The following ZFAT variants were observed in gnomAD, a reference collection of about 807,000 sequenced individuals.
The protein encoded by ZFAT is zinc finger and AT-hook domain containing.
Under a neutral mutation model 117.7 loss-of-function variants are expected in ZFAT, and 64 were observed. That is an observed-to-expected ratio of 0.54 (90% CI 0.44 to 0.67). The LOEUF (loss-of-function observed/expected upper bound fraction) is 0.67. Among genes scored for constraint, ZFAT ranks in the 30% least tolerant of loss-of-function variants. ZFAT has a pLI of 0.00. For missense variants in ZFAT, 1,433 were observed against 1,584.5 expected (o/e 0.90, Z 1.62); for synonymous variants, 679 against 615.0 (o/e 1.10, Z -1.54).
the ZFAT span, chr8:134,804,856 A>T: frequency 1.9e-6 from 1 of 534,134 alleles, no homozygotes. Context: ...TTATATCAAG[A>T]GGATGTCTGT....
the ZFAT span, among the ~76,000 whole-genome samples, chr8:134,788,030 TTCTA>T: frequency 2.7e-4 from 41 of 152,286 alleles, no homozygotes; most frequent in South Asian, 8.3e-4. Flanking sequence ...TTTCTAAACG[TTCTA>T]TCTTTTTACT....
intron 12 of ZFAT, among the ~76,000 whole-genome samples, chr8:134,529,477 A>G (rs10505625): frequency 0.21 from 31,746 of 152,218 alleles, 3,494 homozygotes; most frequent in Non-Finnish European, 0.24. Context: ...TTAATGAAGA[A>G]GTGATGGCTA....
intron 7 of ZFAT, among the ~76,000 whole-genome samples, chr8:134,593,242 T>C (rs1337302487): frequency 1.3e-5 from 2 of 152,186 alleles, no homozygotes; most frequent in East Asian, 3.9e-4. Context: ...TTTTTTCTTT[T>C]AATCTCTGAT....
At chr8:134,719,991 T>A in the ZFAT span, among the ~76,000 whole-genome samples, 1 of 152,242 alleles carries the variant, frequency 6.6e-6, no homozygotes, top group African/African-American at 2.4e-5. Flanking sequence ...GCTTTCGCCA[T>A]GGAACACAAA....
the ZFAT span, among the ~76,000 whole-genome samples, chr8:134,756,516 T>C: frequency 0.33 from 49,483 of 152,038 alleles, 8,322 homozygotes; most frequent in Admixed American, 0.42. Flanking sequence ...TCATTTAGAG[T>C]GAAACGCTCA....
chr8:134,694,099 G>T (rs1833712472), intron 1 of ZFAT, among the ~76,000 whole-genome samples: 1 of 152,188 alleles, frequency 6.6e-6, no homozygotes, highest in Non-Finnish European at 1.5e-5. Context: ...CAAGGCCAGA[G>T]GCAGCGCTCC....
intron 11 of ZFAT, among the ~76,000 whole-genome samples, chr8:134,550,326 AAAAAAACAGCACAG>A (rs1231223465): frequency 6.8e-6 from 1 of 147,344 alleles, no homozygotes; most frequent in Non-Finnish European, 1.5e-5. Context: ...AAAAAAAAAA[AAAAAAACAGCACAG>A]GGTAAAGATC....
At chr8:134,516,480 C>T (rs1820261387) in intron 13 of ZFAT, among the ~76,000 whole-genome samples, 2 of 152,194 alleles carry the variant, frequency 1.3e-5, no homozygotes, top group African/African-American at 4.8e-5. Flanking sequence ...AACTTCCCCT[C>T]ATCGAATGTT....
At chr8:134,569,980 C>T (rs1459966088) in intron 10 of ZFAT, among the ~76,000 whole-genome samples, 1 of 152,242 alleles carries the variant, frequency 6.6e-6, no homozygotes, top group Non-Finnish European at 1.5e-5. Flanking sequence ...TCTGGCCTCA[C>T]CTCCACCCAG....
At chr8:134,653,001 G>A (rs1289512504) in intron 2 of ZFAT, among the ~76,000 whole-genome samples, 1 of 151,808 alleles carries the variant, frequency 6.6e-6, no homozygotes, top group Non-Finnish European at 1.5e-5. Context: ...CAAAATTAGA[G>A]AGAAAACATA....
chr8:134,537,579 A>C (rs1821935588), intron 11 of ZFAT, among the ~76,000 whole-genome samples: 1 of 152,226 alleles, frequency 6.6e-6, no homozygotes. Context: ...GGGTCAGGAA[A>C]GTAATGACAG....
At chr8:134,699,904 G>C (rs769961172) in intron 1 of ZFAT, among the ~76,000 whole-genome samples, 8 of 152,240 alleles carry the variant, frequency 5.3e-5, no homozygotes, top group Non-Finnish European at 1.2e-4. Flanking sequence ...GGCTCAGGCA[G>C]AAGGCTGGCA....
At chr8:134,776,058 A>G in the ZFAT span, among the ~76,000 whole-genome samples, 3 of 152,214 alleles carry the variant, frequency 2.0e-5, no homozygotes, top group Non-Finnish European at 4.4e-5. Flanking sequence ...ATTATGGTAA[A>G]TGCTGTTTTC....
At chr8:134,665,447 C>T (rs558252728) in intron 1 of ZFAT, among the ~76,000 whole-genome samples, 1 of 152,326 alleles carries the variant, frequency 6.6e-6, no homozygotes, top group South Asian at 2.1e-4. Flanking sequence ...AGAGTGTCCT[C>T]CTCCTGCTGC....
chr8:134,526,572 T>C (rs1821037533), intron 12 of ZFAT, among the ~76,000 whole-genome samples: 2 of 152,210 alleles, frequency 1.3e-5, no homozygotes, highest in Non-Finnish European at 1.5e-5. Flanking sequence ...AAACTGATGA[T>C]GGTACGCTTT....
At chr8:134,570,903 G>C (rs995089892) in intron 10 of ZFAT, among the ~76,000 whole-genome samples, 1 of 152,210 alleles carries the variant, frequency 6.6e-6, no homozygotes, top group African/African-American at 2.4e-5. Flanking sequence ...GGTGAAACAA[G>C]TAAGCAAGCC....
intron 1 of ZFAT, among the ~76,000 whole-genome samples, chr8:134,667,408 G>A (rs1292175294): frequency 2.0e-5 from 3 of 150,954 alleles, no homozygotes; most frequent in East Asian, 3.9e-4. Flanking sequence ...CAGGAGAATG[G>A]CATGAACCCG....
chr8:134,645,567 A>C (rs971393446), intron 2 of ZFAT, among the ~76,000 whole-genome samples: 7 of 152,348 alleles, frequency 4.6e-5, no homozygotes, highest in African/African-American at 1.7e-4. Flanking sequence ...AATTTATAAA[A>C]GTAGGCTCAA....
At chr8:134,519,824 ATTTT>A (rs968372461) in intron 13 of ZFAT, among the ~76,000 whole-genome samples, 2 of 146,128 alleles carry the variant, frequency 1.4e-5, no homozygotes, top group Admixed American at 1.4e-4. Flanking sequence ...GATGACACAC[ATTTT>A]TTTTTTTATC....
Sources: gnomAD v4.1 joint callset for allele counts (sites outside exome capture counted in the v4.1 genomes callset) on GRCh38, gnomAD v4.1.1 for gene constraint, MANE v1.5 for transcripts, NCBI Gene and HGNC (gene_info 2026-07-23, HGNC 2026-07-21) for gene names.